Variants in JADE3 observed in about 807,000 individuals in gnomAD.
JADE3 encodes the protein jade family PHD finger 3.
Under a neutral mutation model 50.1 loss-of-function variants are expected in JADE3, and 2 were observed. That is an observed-to-expected ratio of 0.04 (90% CI 0.02 to 0.13). The LOEUF (loss-of-function observed/expected upper bound fraction) is 0.13. Among genes scored for constraint, JADE3 ranks in the 10% least tolerant of loss-of-function variants. The probability of loss-of-function intolerance (pLI) is 1.00; values close to 1 mark genes in which losing one functional copy is unlikely to be tolerated. For synonymous variants in JADE3, 218 were observed against 232.9 expected (o/e 0.94, Z 0.58); for missense variants, 475 against 634.4 (o/e 0.75, Z 2.70).
At chrX:46,916,549 G>A (rs1338389979) in intron 1 of JADE3, among the ~76,000 whole-genome samples, 2 of 111,790 alleles carry the variant, frequency 1.8e-5, no homozygotes, top group African/African-American at 6.5e-5. Context: ...ATTATCGATT[G>A]TAAAAGTGGT....
intron 1 of JADE3, among the ~76,000 whole-genome samples, chrX:46,975,503 A>G (rs1231822914): frequency 9.0e-6 from 1 of 110,549 alleles, no homozygotes; most frequent in Non-Finnish European, 1.9e-5. Flanking sequence ...TGTAAAACCA[A>G]TTTTTATACA....
chrX:47,011,169 A>G (rs1928557598), intron 4 of JADE3, among the ~76,000 whole-genome samples: 2 of 112,430 alleles, frequency 1.8e-5, no homozygotes, highest in Admixed American at 9.4e-5. Context: ...TGAGTTCATA[A>G]CAACCACTAG....
At chrX:46,931,485 G>A (rs958301882) in intron 1 of JADE3, among the ~76,000 whole-genome samples, 7 of 109,674 alleles carry the variant, frequency 6.4e-5, no homozygotes, top group Non-Finnish European at 3.8e-5. Context: ...GCAATGGCAC[G>A]ATCTCAGCTC....
chrX:46,981,051 C>T (rs782486317), intron 1 of JADE3, among the ~76,000 whole-genome samples: 4 of 111,152 alleles, frequency 3.6e-5, no homozygotes, highest in Non-Finnish European at 5.7e-5. Flanking sequence ...GTAAGAGTGT[C>T]CTCTAAAAGC....
At chrX:46,938,090 T>C (rs782597706) in intron 1 of JADE3, among the ~76,000 whole-genome samples, 2 of 112,454 alleles carry the variant, frequency 1.8e-5, no homozygotes, top group Non-Finnish European at 3.8e-5. Context: ...GAAGTGATTT[T>C]CTTACAGATA....
intron 1 of JADE3, among the ~76,000 whole-genome samples, chrX:46,956,585 C>CGCAATCATGGCTCAGTGCAGCG (rs1927122218): frequency 9.2e-6 from 1 of 108,967 alleles, no homozygotes; most frequent in African/African-American, 3.4e-5. Flanking sequence ...GGAGTGCGGT[C>CGCAATCATGGCTCAGTGCAGCG]GCGCAATCAT....
At chrX:47,022,456 T>C (rs1330813209) in intron 4 of JADE3, among the ~76,000 whole-genome samples, 4 of 112,190 alleles carry the variant, frequency 3.6e-5, no homozygotes, top group Admixed American at 9.5e-5. Context: ...TCAGGTTCAT[T>C]ATTTGGAATC....
chrX:47,009,975 C>CA (rs35960958), intron 4 of JADE3, among the ~76,000 whole-genome samples: 34,992 of 96,957 alleles, frequency 0.36, 7,586 homozygotes, highest in African/African-American at 0.76. Context: ...CCGGGCATCT[C>CA]AAAAAAAAAA....
At chrX:47,030,320 T>C (rs1404408551) in intron 6 of JADE3, among the ~76,000 whole-genome samples, 1 of 111,426 alleles carries the variant, frequency 9.0e-6, no homozygotes, top group Non-Finnish European at 1.9e-5. Context: ...TTAAAAACGA[T>C]TCCGGTAATG....
rs1925978094 is a variant in JADE3, at chrX:46,912,487, A to G, written c.-244A>G. ...GCCGCCGCCGCCCAACCGCCTGCCC[A>G]GCGCTGAGGCCTGACGGGCCGGGCG... On this transcript the variant is annotated 5_prime_UTR_variant, in exon 1 of 11. Transcript: ENST00000614628. The G allele has an allele frequency of 9.0e-6, 1 of 111,662 alleles. No homozygotes were observed. The highest frequency in any genetic ancestry group is 9.3e-5 in the Admixed American group (1 of 10,729). The allele number at this position is 111,662 out of a possible 1,213,427, so 9.2% of individuals were successfully genotyped here.
intron 6 of JADE3, among the ~76,000 whole-genome samples, chrX:47,033,092 T>G (rs1353036142): frequency 8.9e-6 from 1 of 112,177 alleles, no homozygotes. Flanking sequence ...AAGTCCCTGT[T>G]TCTTCAACCC....
chrX:47,042,341 A>G (rs965136076), intron 8 of JADE3, among the ~76,000 whole-genome samples: 2 of 111,767 alleles, frequency 1.8e-5, no homozygotes, highest in South Asian at 3.7e-4. Flanking sequence ...TTATTTATCT[A>G]TGAGTTTTAT....
chrX:46,988,322 C>T (rs1556355112), intron 3 of JADE3, among the ~76,000 whole-genome samples: 1 of 110,305 alleles, frequency 9.1e-6, no homozygotes, highest in Non-Finnish European at 1.9e-5. Context: ...AGGTACTTTC[C>T]GGTTTTTTGT....
chrX:46,917,609 G>A (rs1926113351), intron 1 of JADE3, among the ~76,000 whole-genome samples: 1 of 110,943 alleles, frequency 9.0e-6, no homozygotes, highest in East Asian at 2.8e-4. Context: ...TGTTGTGAGG[G>A]CACTGAGGTG....
chrX:47,017,328 GTC>G (rs1472290824), intron 4 of JADE3, among the ~76,000 whole-genome samples: 1 of 112,010 alleles, frequency 8.9e-6, no homozygotes, highest in Admixed American at 9.5e-5. Flanking sequence ...CTATTTACAT[GTC>G]TCTAGGTAGA....
chrX:47,009,451 G>A (rs1225307931), intron 4 of JADE3, among the ~76,000 whole-genome samples: 6 of 111,150 alleles, frequency 5.4e-5, no homozygotes, highest in African/African-American at 2.0e-4. Context: ...AGATAAAAAG[G>A]TTTTCAGTAA....
intron 1 of JADE3, among the ~76,000 whole-genome samples, chrX:46,937,054 T>C (rs191012493): frequency 4.5e-5 from 5 of 111,839 alleles, no homozygotes. Flanking sequence ...CCTTTTTTCC[T>C]CCTAAAAGAG....
At chrX:46,922,070 GT>G (rs1336192998) in intron 1 of JADE3, among the ~76,000 whole-genome samples, 1 of 106,800 alleles carries the variant, frequency 9.4e-6, no homozygotes, top group Non-Finnish European at 1.9e-5. Flanking sequence ...CCCTCCCCCA[GT>G]CCCCCATCCC....
At chrX:46,926,425 T>C (rs1556338906) in intron 1 of JADE3, among the ~76,000 whole-genome samples, 1 of 110,192 alleles carries the variant, frequency 9.1e-6, no homozygotes, top group African/African-American at 3.3e-5. Flanking sequence ...TTTAGTTTTT[T>C]TGTAGAGACG....
Sources: allele counts gnomAD v4.1 joint callset (sites outside exome capture counted in the v4.1 genomes callset), GRCh38; gene constraint gnomAD v4.1.1; transcripts MANE v1.5; gene names NCBI Gene and HGNC (gene_info 2026-07-23, HGNC 2026-07-21).